Variants in PIBF1 observed in about 807,000 individuals in gnomAD.
PIBF1 encodes progesterone immunomodulatory binding factor 1.
Under a neutral mutation model 112.5 loss-of-function variants are expected in PIBF1, and 90 were observed. The observed-to-expected ratio is 0.80, with a 90% CI of 0.67 to 0.95. The LOEUF is 0.95. Ranked by LOEUF, PIBF1 falls within the 40% of genes least tolerant of loss-of-function variation. PIBF1 has a pLI of 0.00. For missense variants in PIBF1, 915 were observed against 852.3 expected, an observed-to-expected ratio of 1.07 and a Z score of -0.92; for synonymous variants, 301 against 288.6, an observed-to-expected ratio of 1.04 and a Z score of -0.44.
rs186625623 is a variant in PIBF1 at position 72,819,903 on chromosome 13, C to T, written c.673-1946C>T. 8.5e-5 allele frequency among the ~76,000 whole-genome samples: 13 copies of T among 152,168 alleles called. No individual in the cohort carries two copies. In the East Asian group the frequency reaches 2.5e-3, roughly 29 times the overall value. On this transcript the variant is annotated intron_variant, in intron 5 of 17. Coordinates refer to ENST00000326291, the MANE Select transcript of PIBF1 (RefSeq NM_006346.4). The stretch of plus-strand genomic sequence containing the variant: ...TCCTGACACACACCCCTGGTTTACC[C>T]ATTGTTTCTGCGAATACTCCTTTGG...
chr13:72,928,902 T>G (rs948650356), intron 13 of PIBF1, among the ~76,000 whole-genome samples: 2 of 152,248 alleles, frequency 1.3e-5, no homozygotes, highest in Non-Finnish European at 2.9e-5. Flanking sequence ...AGTCATTATC[T>G]TGTTCAGATT....
In PIBF1 at chr13:72,996,168, T is replaced by C. The variant is rs192171890; in HGVS notation, c.2050-2654T>C. On this transcript the variant is annotated intron_variant, in intron 16 of 17. Coordinates refer to ENST00000326291, the MANE Select transcript of PIBF1 (RefSeq NM_006346.4). ...CTCATATTAAAGACAAAGGGCTAATTTCCCTAACATATAAAGAGCTCCTTG... is the reference window on the plus strand; with the variant it reads ...CTCATATTAAAGACAAAGGGCTAATCTCCCTAACATATAAAGAGCTCCTTG... Among the ~76,000 whole-genome samples the C allele has an allele frequency of 2.4e-3, 342 of 141,410 alleles. 3 individuals are homozygous for C. The highest frequency in any genetic ancestry group is 8.3e-3 in the African/African-American group (319 of 38,344). The allele number at this position is 141,410 out of a possible 152,430, so 92.8% of individuals were successfully genotyped here. A position where few individuals can be genotyped will look rare whatever the true frequency, so the allele number is the denominator to read the frequency against.
chr13:72,876,799 T>C (rs1380445059), intron 10 of PIBF1, among the ~76,000 whole-genome samples: 1 of 152,194 alleles, frequency 6.6e-6, no homozygotes, highest in Non-Finnish European at 1.5e-5. Context: ...CTATAATCAC[T>C]TACTAGTTCC....
At chr13:72,992,020 C>T (rs901044180) in intron 16 of PIBF1, among the ~76,000 whole-genome samples, 5 of 152,098 alleles carry the variant, frequency 3.3e-5, no homozygotes, top group East Asian at 1.9e-4. Context: ...GCCCAGCCCC[C>T]GTCTCAATTT....
intron 11 of PIBF1, chr13:72,901,105 A>G (rs775015127): frequency 3.6e-5 from 16 of 448,096 alleles, no homozygotes; most frequent in Non-Finnish European, 6.7e-5. Context: ...AGCAAAAGGA[A>G]CAGTCAACAG....
At chr13:73,003,910 T>C (rs1251304001) in intron 17 of PIBF1, among the ~76,000 whole-genome samples, 1 of 151,946 alleles carries the variant, frequency 6.6e-6, no homozygotes, top group East Asian at 1.9e-4. Flanking sequence ...AGGGTCTCAC[T>C]GCATTGCTCA....
At chr13:72,867,229 CTCTT>C (rs1252481873) in intron 10 of PIBF1, among the ~76,000 whole-genome samples, 3 of 152,150 alleles carry the variant, frequency 2.0e-5, no homozygotes, top group African/African-American at 4.8e-5. Flanking sequence ...CAAGCTCTCT[CTCTT>C]TGTCTGCCAC....
chr13:72,978,619 A>G (rs536901184), intron 16 of PIBF1, among the ~76,000 whole-genome samples: 1 of 152,268 alleles, frequency 6.6e-6, no homozygotes, highest in African/African-American at 2.4e-5. Flanking sequence ...TCAGAGCTGA[A>G]TATCTTATCC....
chr13:72,811,597 A>AC, intron 5 of PIBF1, among the ~76,000 whole-genome samples: 1 of 81,036 alleles, frequency 1.2e-5, no homozygotes, highest in African/African-American at 4.8e-5. Flanking sequence ...CTCCGTCTCA[A>AC]AAAAAAAAAA....
chr13:72,810,879 C>T (rs1316307350), intron 5 of PIBF1, among the ~76,000 whole-genome samples: 10 of 144,636 alleles, frequency 6.9e-5, no homozygotes, highest in African/African-American at 1.8e-4. Context: ...TTTTTTGAGA[C>T]GGAGTCTCGT....
chr13:72,999,017 C>A, intron 17 of PIBF1, 22 bp downstream of exon 17: 1 of 1,446,578 alleles, frequency 6.9e-7, no homozygotes, highest in Non-Finnish European at 9.5e-7. Context: ...TTTTAAAACT[C>A]ATAATTTTAA....
chr13:72,939,929 C>T (rs1309006631), intron 14 of PIBF1, among the ~76,000 whole-genome samples: 4 of 152,104 alleles, frequency 2.6e-5, no homozygotes, highest in African/African-American at 7.2e-5. Context: ...CTTTGTTCCT[C>T]TCTAGGTAAT....
intron 11 of PIBF1, 59 bp downstream of exon 11, chr13:72,894,008 G>T: frequency 3.5e-6 from 2 of 571,090 alleles, no homozygotes; most frequent in African/African-American, 2.6e-5. Context: ...CTAAGTACAA[G>T]ATTTATATTG....
intron 5 of PIBF1, among the ~76,000 whole-genome samples, chr13:72,804,512 C>T (rs541920771): frequency 6.6e-6 from 1 of 152,236 alleles, no homozygotes; most frequent in South Asian, 2.1e-4. Context: ...CATTCCTTCC[C>T]ATTAGGTATA....
chr13:72,837,172 A>G (rs928350240), intron 9 of PIBF1, among the ~76,000 whole-genome samples: 1 of 152,134 alleles, frequency 6.6e-6, no homozygotes, highest in Non-Finnish European at 1.5e-5. Context: ...ATACGTGTGC[A>G]TGCCAGAAGA....
chr13:72,917,451 T>C (rs1038647734), intron 13 of PIBF1, among the ~76,000 whole-genome samples: 1 of 152,190 alleles, frequency 6.6e-6, no homozygotes, highest in Non-Finnish European at 1.5e-5. Flanking sequence ...ACAAATGCTT[T>C]GTATCAAGAA....
chr13:72,934,909 A>G (rs1351291835), intron 14 of PIBF1, among the ~76,000 whole-genome samples: 4 of 152,078 alleles, frequency 2.6e-5, no homozygotes, highest in Non-Finnish European at 4.4e-5. Flanking sequence ...TCCCCATCTC[A>G]GTCCCTAAGC....
At chr13:72,966,487 A>G (rs2042741832) in intron 15 of PIBF1, among the ~76,000 whole-genome samples, 1 of 152,190 alleles carries the variant, frequency 6.6e-6, no homozygotes, top group Admixed American at 6.5e-5. Context: ...TTGTTCTATA[A>G]ATAGTTCTTG....
At position 72,946,327 on chromosome 13, in the gene PIBF1, C is replaced by T. The variant is rs146529424; in HGVS notation, c.1833+15060C>T. Among the ~76,000 whole-genome samples the T allele has an allele frequency of 4.0e-3, 602 of 152,202 alleles. 5 individuals are homozygous for T. The highest frequency in any genetic ancestry group is 0.013 in the African/African-American group (545 of 41,542). On this transcript the variant is annotated intron_variant, in intron 14 of 17. Transcript: ENST00000326291. ...TGAGAACAGCATGAGGGTAACTGCC[C>T]GCATGATTAATTACTTCCCACTGGG...
Sources: gnomAD v4.1 joint callset for allele counts (sites outside exome capture counted in the v4.1 genomes callset) on GRCh38, gnomAD v4.1.1 for gene constraint, MANE v1.5 for transcripts, NCBI Gene and HGNC (gene_info 2026-07-23, HGNC 2026-07-21) for gene names.